The following PRICKLE2 variants were observed in gnomAD, a reference collection of about 807,000 sequenced individuals.
The protein encoded by PRICKLE2 is prickle planar cell polarity protein 2.
PRICKLE2 carries 21 observed loss-of-function variants against 81.4 expected under a neutral mutation model. The observed-to-expected ratio is 0.26, with a 90% CI of 0.18 to 0.37. The LOEUF (loss-of-function observed/expected upper bound fraction) is 0.37. Among genes scored for constraint, PRICKLE2 ranks in the 10% least tolerant of loss-of-function variants. The pLI is 1.00. For synonymous variants in PRICKLE2, 456 were observed against 421.5 expected (o/e 1.08, Z -1.00); for missense variants, 940 against 1,109.0 (o/e 0.85, Z 2.16).
At chr3:64,126,842 C>T (rs1332435289) in intron 7 of PRICKLE2, among the ~76,000 whole-genome samples, 1 of 152,096 alleles carries the variant, frequency 6.6e-6, no homozygotes, top group Admixed American at 6.5e-5. Flanking sequence ...TCCCAAAGTG[C>T]TGAGATTACA....
chr3:64,209,178 C>T (rs1210695898), intron 1 of PRICKLE2, among the ~76,000 whole-genome samples: 2 of 152,034 alleles, frequency 1.3e-5, no homozygotes, highest in African/African-American at 4.8e-5. Flanking sequence ...TCGATCCATT[C>T]ATATCCATAC....
intron 2 of PRICKLE2, among the ~76,000 whole-genome samples, chr3:64,180,226 A>T (rs1181981605): frequency 6.6e-6 from 1 of 152,228 alleles, no homozygotes; most frequent in Non-Finnish European, 1.5e-5. Context: ...GCCCAGGTTC[A>T]TCCTCAACAA....
intron 2 of PRICKLE2, among the ~76,000 whole-genome samples, chr3:64,267,725 C>T (rs2079732199): frequency 6.6e-6 from 1 of 152,170 alleles, no homozygotes; most frequent in Admixed American, 6.5e-5. Context: ...CCTCAGTTCA[C>T]CAGGTCCCCA....
intron 7 of PRICKLE2, among the ~76,000 whole-genome samples, chr3:64,143,972 T>C (rs138142250): frequency 1.3e-5 from 2 of 150,190 alleles, no homozygotes; most frequent in African/African-American, 4.9e-5. Context: ...TTTTTCCATC[T>C]GAAACATGGG....
intron 5 of PRICKLE2, among the ~76,000 whole-genome samples, chr3:64,155,290 CA>C (rs1400646187): frequency 2.0e-5 from 3 of 148,346 alleles, no homozygotes; most frequent in Admixed American, 1.3e-4. Context: ...AGATGCTCAA[CA>C]TTATTAGCTG....
intron 2 of PRICKLE2, among the ~76,000 whole-genome samples, chr3:64,254,627 C>T (rs1297446864): frequency 6.6e-6 from 1 of 152,130 alleles, no homozygotes; most frequent in Non-Finnish European, 1.5e-5. Flanking sequence ...GTTCTTCCAC[C>T]CACGCAGTCC....
At chr3:64,207,489 G>A (rs896905414) in intron 1 of PRICKLE2, among the ~76,000 whole-genome samples, 1 of 152,066 alleles carries the variant, frequency 6.6e-6, no homozygotes, top group Non-Finnish European at 1.5e-5. Flanking sequence ...CAGAGCCAGG[G>A]GATAAGACTC....
rs578172110 is a variant in PRICKLE2, at chr3:64,098,915, C to T, written c.*136G>A. The T allele has an allele frequency of 4.3e-6, 4 of 938,202 alleles. No homozygotes were observed. Among genetic ancestry groups the T allele is most frequent in the Admixed American group, 1.8e-5 (1 of 55,114 alleles). 58.1% of individuals were successfully genotyped at this position (938,202 alleles called of 1,614,324 possible). A position where few individuals can be genotyped will look rare whatever the true frequency, so the allele number is the denominator to read the frequency against. ...CTATTGAGTCAACCTGTAACCTTGC[C>T]TCCATCTACTGACAGCATTTTCCCT... On this transcript the variant is annotated 3_prime_UTR_variant, in exon 8 of 8. Coordinates refer to ENST00000638394, the MANE Select transcript of PRICKLE2 (RefSeq NM_198859.4).
At chr3:64,219,688 T>A (rs1315491611) in intron 1 of PRICKLE2, among the ~76,000 whole-genome samples, 1 of 152,152 alleles carries the variant, frequency 6.6e-6, no homozygotes, top group Non-Finnish European at 1.5e-5. Context: ...AATAATGAGG[T>A]GTTTCTCAAA....
At chr3:64,255,429 C>T (rs1283297300) in intron 2 of PRICKLE2, among the ~76,000 whole-genome samples, 3 of 152,148 alleles carry the variant, frequency 2.0e-5, no homozygotes. Flanking sequence ...TTATAGGTTC[C>T]TTGGGAGCAT....
chr3:64,224,888 T>C, intron 1 of PRICKLE2, 22 bp downstream of exon 1: 1 of 983,840 alleles, frequency 1.0e-6, no homozygotes, highest in South Asian at 4.7e-5. Context: ...AATTTGTGAA[T>C]TAGAGCAAAT....
intron 2 of PRICKLE2, among the ~76,000 whole-genome samples, chr3:64,192,064 T>C (rs2078353027): frequency 6.6e-6 from 1 of 152,264 alleles, no homozygotes; most frequent in Non-Finnish European, 1.5e-5. Flanking sequence ...ATTGGGATGT[T>C]CAGGGGAATC....
chr3:64,126,673 G>T (rs999959670), intron 7 of PRICKLE2, among the ~76,000 whole-genome samples: 1 of 152,150 alleles, frequency 6.6e-6, no homozygotes. Context: ...CGCCTCCCAG[G>T]TACAAGCTAT....
At position 64,170,703 on chromosome 3, in the gene PRICKLE2, TAAA is replaced by T. The variant is rs770744864; in HGVS notation, c.145-7577_145-7575del. Among the ~76,000 whole-genome samples the T allele has an allele frequency of 4.6e-3, 521 of 113,380 alleles. 3 individuals are homozygous for T. The highest frequency in any genetic ancestry group is 0.017 in the African/African-American group (473 of 28,106). The allele number at this position is 113,380 out of a possible 152,430, so 74.4% of individuals were successfully genotyped here. ...AGGTAGACCATGCCTCTAGAAACATTAAAAAAAAAAAAAAAAAAAAAACAGCCT... is the reference window on the plus strand; with the variant it reads ...AGGTAGACCATGCCTCTAGAAACATTAAAAAAAAAAAAAAAAAAACAGCCT... On this transcript the variant is annotated intron_variant, in intron 2 of 7. Transcript: ENST00000638394.
At chr3:64,249,416 A>T (rs1487499156) in intron 2 of PRICKLE2, among the ~76,000 whole-genome samples, 1 of 152,182 alleles carries the variant, frequency 6.6e-6, no homozygotes, top group Non-Finnish European at 1.5e-5. Flanking sequence ...TTGGGTGGGG[A>T]CACAGAGCCA....
chr3:64,228,477 C>T (rs1559593092), upstream of PRICKLE2, among the ~76,000 whole-genome samples: 1 of 152,000 alleles, frequency 6.6e-6, no homozygotes, highest in Non-Finnish European at 1.5e-5. Context: ...TTACAAAATC[C>T]ACAGATTGTT....
intron 2 of PRICKLE2, among the ~76,000 whole-genome samples, chr3:64,247,176 C>G (rs1323166197): frequency 6.6e-6 from 1 of 152,152 alleles, no homozygotes; most frequent in Non-Finnish European, 1.5e-5. Context: ...CGTCCTCTAG[C>G]AGGCCAGGCT....
At chr3:64,117,602 T>G (rs555111901) in intron 7 of PRICKLE2, among the ~76,000 whole-genome samples, 37 of 152,156 alleles carry the variant, frequency 2.4e-4, no homozygotes, top group African/African-American at 7.9e-4. Context: ...CCATTCACAA[T>G]TGCCACAAAA....
At chr3:64,181,154 C>A (rs1281359711) in intron 2 of PRICKLE2, among the ~76,000 whole-genome samples, 3 of 152,156 alleles carry the variant, frequency 2.0e-5, no homozygotes, top group East Asian at 1.9e-4. Flanking sequence ...TAGTCTCAGG[C>A]CATTCACTTT....
Sources: gnomAD v4.1 joint callset for allele counts (sites outside exome capture counted in the v4.1 genomes callset) on GRCh38, gnomAD v4.1.1 for gene constraint, MANE v1.5 for transcripts, NCBI Gene and HGNC (gene_info 2026-07-23, HGNC 2026-07-21) for gene names.